The following XPO7 variants were observed in gnomAD, a reference collection of about 807,000 sequenced individuals.
The protein encoded by XPO7 is exportin 7.
Under a neutral mutation model 144.3 loss-of-function variants are expected in XPO7, and 21 were observed. The ratio of observed to expected loss-of-function variants is 0.15; its 90% CI spans 0.10 to 0.21. The LOEUF is 0.21. Ranked by LOEUF, XPO7 falls within the 10% of genes least tolerant of loss-of-function variation. The probability of loss-of-function intolerance (pLI) is 1.00; values close to 1 mark genes in which losing one functional copy is unlikely to be tolerated. For missense variants in XPO7, 808 were observed against 1,325.8 expected (o/e 0.61, Z 6.06); for synonymous variants, 580 against 499.6 (o/e 1.16, Z -2.15).
At chr8:21,935,847 T>G (rs1055363135) in intron 1 of XPO7, among the ~76,000 whole-genome samples, 3 of 152,092 alleles carry the variant, frequency 2.0e-5, no homozygotes, top group Non-Finnish European at 2.9e-5. Flanking sequence ...TCTCTCTCTC[T>G]CAATCTCTCT....
At chr8:21,979,379 CTTATTTCTT>C (rs1812329037) in intron 8 of XPO7, among the ~76,000 whole-genome samples, 1 of 145,338 alleles carries the variant, frequency 6.9e-6, no homozygotes, top group South Asian at 2.3e-4. Flanking sequence ...ATGTGATATG[CTTATTTCTT>C]TTTTTTTTCT....
chr8:22,003,588 GGGTATCAGA>G (rs1170485305), intron 26 of XPO7, among the ~76,000 whole-genome samples: 2 of 152,176 alleles, frequency 1.3e-5, no homozygotes, highest in Middle Eastern at 3.2e-3. Flanking sequence ...TAATGTACCT[GGGTATCAGA>G]GGACCTAAGA....
intron 1 of XPO7, among the ~76,000 whole-genome samples, chr8:21,929,807 G>A (rs995963101): frequency 3.3e-5 from 5 of 152,000 alleles, no homozygotes; most frequent in African/African-American, 7.3e-5. Context: ...GTGTGACTGC[G>A]ATAAGGGGCA....
intron 3 of XPO7, 176 bp from the exon 4 acceptor site, chr8:21,969,952 GAATTAGAACACCTACT>G: frequency 1.5e-6 from 1 of 652,022 alleles, no homozygotes; most frequent in South Asian, 2.3e-5. Flanking sequence ...ATAAAATTCT[GAATTAGAACACCTACT>G]AATCTTAAAT....
chr8:21,932,629 T>C (rs1036944869), intron 1 of XPO7, among the ~76,000 whole-genome samples: 1 of 150,646 alleles, frequency 6.6e-6, no homozygotes, highest in Non-Finnish European at 1.5e-5. Flanking sequence ...AGCTTTCTTT[T>C]GAATTTTTAT....
intron 1 of XPO7, among the ~76,000 whole-genome samples, chr8:21,951,729 T>G (rs1377951508): frequency 6.6e-6 from 1 of 152,234 alleles, no homozygotes; most frequent in African/African-American, 2.4e-5. Context: ...TGTTTTGTTA[T>G]TGTCTCCCAA....
chr8:21,943,583 G>T (rs556514915), intron 1 of XPO7, among the ~76,000 whole-genome samples: 1 of 152,160 alleles, frequency 6.6e-6, no homozygotes, highest in Non-Finnish European at 1.5e-5. Flanking sequence ...TGTTAAACGC[G>T]TAAAACATTC....
chr8:21,956,734 C>CT (rs1221638524), intron 1 of XPO7, among the ~76,000 whole-genome samples: 217 of 143,714 alleles, frequency 1.5e-3, no homozygotes, highest in Non-Finnish European at 1.7e-3. Context: ...CTTTGAATGT[C>CT]TTTTTTTTTT....
intron 1 of XPO7, among the ~76,000 whole-genome samples, chr8:21,920,278 C>T (rs369696282): frequency 6.6e-6 from 1 of 152,170 alleles, no homozygotes; most frequent in East Asian, 1.9e-4. Context: ...CCTCTCACGC[C>T]CCGGAATACG....
Position 21,994,819 on chromosome 8 carries a change from C to T in XPO7, c.2237+368C>T, listed in dbSNP as rs201619094. 1.2e-3 allele frequency among the ~76,000 whole-genome samples: 184 copies of T among 152,086 alleles called. 2 individuals are homozygous for T. The East Asian group carries it at 0.024, about 20-fold the overall frequency. ...CTGTAATCCCAGCACTTAGGGAGGC[C>T]GAGGTGGGCGGATCACGAGGTCAGG... On this transcript the variant is annotated intron_variant, in intron 20 of 27. Coordinates refer to ENST00000252512, the MANE Select transcript of XPO7 (RefSeq NM_015024.5).
At chr8:21,961,118 G>GT (rs1811712376) in intron 1 of XPO7, among the ~76,000 whole-genome samples, 1 of 151,798 alleles carries the variant, frequency 6.6e-6, no homozygotes, top group African/African-American at 2.4e-5. Context: ...TTTGGGAACT[G>GT]TTAACATTTA....
intron 1 of XPO7, among the ~76,000 whole-genome samples, chr8:21,951,017 A>G (rs1811352766): frequency 6.6e-6 from 1 of 152,028 alleles, no homozygotes; most frequent in Non-Finnish European, 1.5e-5. Context: ...AATCACAGCT[A>G]CCCAAGAGGC....
intron 1 of XPO7, among the ~76,000 whole-genome samples, chr8:21,927,717 G>A (rs1810506059): frequency 6.6e-6 from 1 of 151,906 alleles, no homozygotes; most frequent in Non-Finnish European, 1.5e-5. Context: ...AGCTAATTTT[G>A]TATTTTTAGT....
At chr8:21,997,846 G>A (rs150878996) in intron 21 of XPO7, among the ~76,000 whole-genome samples, 1 of 152,148 alleles carries the variant, frequency 6.6e-6, no homozygotes, top group Non-Finnish European at 1.5e-5. Flanking sequence ...CAGTGTGGTG[G>A]GGGGGAGGAA....
At chr8:21,966,454 T>A (rs1811887374) in intron 1 of XPO7, 9 of 585,536 alleles carry the variant, frequency 1.5e-5, no homozygotes, top group Non-Finnish European at 2.8e-5. Flanking sequence ...GGTACTTATA[T>A]CATGTTTATG....
chr8:21,948,016 C>T (rs547239146), intron 1 of XPO7, among the ~76,000 whole-genome samples: 14 of 152,246 alleles, frequency 9.2e-5, no homozygotes, highest in Non-Finnish European at 8.8e-5. Context: ...CCAGAGAGAC[C>T]AGAGGATTCT....
chr8:21,994,424 C>G lies in XPO7; in HGVS notation c.2210C>G (p.Thr737Ser). The G allele has an allele frequency of 6.2e-7, 1 of 1,612,226 alleles. No individual in the cohort carries two copies. Among genetic ancestry groups the G allele is most frequent in the Non-Finnish European group, 8.5e-7 (1 of 1,178,666 alleles). The change falls in exon 20 of 28, where the codon ACC (threonine) becomes AGC (serine). Residue 737 changes from threonine to serine, a missense_variant. Thr to Ser is a moderately conservative substitution (Grantham distance 58). Coordinates refer to ENST00000252512, the MANE Select transcript of XPO7 (RefSeq NM_015024.5). The part of the protein sequence containing the change: ...RGIAFAFNAK[T>S]SFMMLFEWIY... ...ATCGCTTTCGCTTTCAATGCCAAGA[C>G]CAGCTTCATGATGCTCTTTGAATGG...
At chr8:21,980,922 T>G (rs1162662767) in intron 9 of XPO7, among the ~76,000 whole-genome samples, 1 of 152,218 alleles carries the variant, frequency 6.6e-6, no homozygotes. Flanking sequence ...CGATTGCCCT[T>G]TTTGTCTTTT....
intron 1 of XPO7, among the ~76,000 whole-genome samples, chr8:21,940,273 A>G (rs1019377888): frequency 7.2e-5 from 11 of 152,206 alleles, no homozygotes; most frequent in East Asian, 5.8e-4. Context: ...TACCCTGCCT[A>G]TTTCTTTGTG....
Sources: gnomAD v4.1 joint callset for allele counts (sites outside exome capture counted in the v4.1 genomes callset) on GRCh38, gnomAD v4.1.1 for gene constraint, MANE v1.5 for transcripts, NCBI Gene and HGNC (gene_info 2026-07-23, HGNC 2026-07-21) for gene names.